GSTA4: variants seen among roughly 807,000 people sequenced by gnomAD.
GSTA4 encodes the protein glutathione S-transferase alpha 4.
A neutral mutation model predicts 24.4 loss-of-function variants in GSTA4; 15 were observed. That is an observed-to-expected ratio of 0.61 (90% CI 0.41 to 0.95). GSTA4 has a LOEUF of 0.95. Among genes scored for constraint, GSTA4 ranks in the 40% least tolerant of loss-of-function variants. The pLI is 0.00. For missense variants in GSTA4, 244 were observed against 262.1 expected, an observed-to-expected ratio of 0.93 and a Z score of 0.48; for synonymous variants, 92 against 94.2, an observed-to-expected ratio of 0.98 and a Z score of 0.13.
chr6:52,984,376 A>T, intron 5 of GSTA4, 88 bp downstream of exon 5: 1 of 1,277,626 alleles, frequency 7.8e-7, no homozygotes. Context: ...CAGTTTTAAA[A>T]TCCTTGGACA....
At chr6:52,990,764 G>A (rs895673880) in intron 2 of GSTA4, among the ~76,000 whole-genome samples, 1 of 152,100 alleles carries the variant, frequency 6.6e-6, no homozygotes, top group Non-Finnish European at 1.5e-5. Flanking sequence ...AGCCTATGGG[G>A]GTTAGAAAAA....
chr6:52,980,095 G>C (rs577597950), intron 6 of GSTA4, among the ~76,000 whole-genome samples: 2 of 151,992 alleles, frequency 1.3e-5, no homozygotes, highest in Non-Finnish European at 2.9e-5. Flanking sequence ...TAATGCTTGG[G>C]GCTTAAAAAA....
rs771970434 is a variant in GSTA4, at chr6:52,978,898, A to G, written c.547-306T>C. 3.9e-5 allele frequency among the ~76,000 whole-genome samples: 6 copies of G among 152,248 alleles called. No homozygotes were observed. In the South Asian group the frequency reaches 1.0e-3, roughly 26 times the overall value. The stretch of plus-strand genomic sequence containing the variant: ...GCCACATTCAAAGTTGTCCTGAGCC[A>G]CATGCAGCCCGCGGGCTGTGGGTTG... On this transcript the variant is annotated intron_variant, in intron 6 of 6. Coordinates refer to ENST00000370963, the MANE Select transcript of GSTA4 (RefSeq NM_001512.4).
intron 1 of GSTA4, 100 bp from the exon 2 acceptor site, chr6:52,994,361 C>A: frequency 1.7e-6 from 1 of 581,770 alleles, no homozygotes. Flanking sequence ...GATTTTGGCA[C>A]GGGAAACTGT....
At position 52,978,430 on chromosome 6, in the gene GSTA4, C is replaced by T; in HGVS notation, c.*40G>A. The T allele has an allele frequency of 6.2e-7, 1 of 1,601,488 alleles. No homozygotes were observed. The highest frequency in any genetic ancestry group is 8.5e-7 in the Non-Finnish European group (1 of 1,169,768). ...AAGACATGACTGTAGACAATACCAT[C>T]TCTAGGAACACACTGTCACTCACAC... is the stretch of plus-strand genomic sequence containing the variant. On this transcript the variant is annotated 3_prime_UTR_variant, in exon 7 of 7. Coordinates refer to ENST00000370963, the MANE Select transcript of GSTA4 (RefSeq NM_001512.4).
At position 52,978,354 on chromosome 6, in the gene GSTA4, T is replaced by G; in HGVS notation, c.*116A>C. On this transcript the variant is annotated 3_prime_UTR_variant, in exon 7 of 7. Transcript: ENST00000370963. ...TCTCGTTGACACAAAAGACCCAACT[T>G]AGGACCCAACTTAATACATAGATAG... is the stretch of plus-strand genomic sequence containing the variant. 9.7e-7 allele frequency: 1 copy of G among 1,033,932 alleles called. No homozygotes were observed. The allele number at this position is 1,033,932 out of a possible 1,614,324, so 64.0% of individuals were successfully genotyped here.
chr6:52,989,691 T>G (rs1472793192), intron 2 of GSTA4, among the ~76,000 whole-genome samples: 1 of 152,140 alleles, frequency 6.6e-6, no homozygotes, highest in Non-Finnish European at 1.5e-5. Context: ...GGGGCAACAA[T>G]GCTCGAAGCC....
At chr6:52,991,303 T>C (rs917810306) in intron 2 of GSTA4, among the ~76,000 whole-genome samples, 3 of 152,212 alleles carry the variant, frequency 2.0e-5, no homozygotes, top group African/African-American at 7.2e-5. Flanking sequence ...TCCCTAACAA[T>C]GATGATGATC....
chr6:52,994,842 C>A (rs1179836867), intron 1 of GSTA4, among the ~76,000 whole-genome samples: 1 of 152,156 alleles, frequency 6.6e-6, no homozygotes, highest in East Asian at 1.9e-4. Context: ...GAGATGAGCC[C>A]CCGGCCTTGT....
chr6:52,982,515 G>A, intron 6 of GSTA4, 59 bp downstream of exon 6: 1 of 1,299,382 alleles, frequency 7.7e-7, no homozygotes, highest in South Asian at 1.3e-5. Flanking sequence ...CCAAACAATA[G>A]ACACTGAAGG....
At chr6:52,982,177 T>C (rs1763463595) in intron 6 of GSTA4, among the ~76,000 whole-genome samples, 1 of 152,208 alleles carries the variant, frequency 6.6e-6, no homozygotes, top group African/African-American at 2.4e-5. Context: ...GCAAACTCCC[T>C]GTGCATGGAG....
chr6:52,984,157 T>G (rs1763505583), intron 5 of GSTA4, among the ~76,000 whole-genome samples: 1 of 152,252 alleles, frequency 6.6e-6, no homozygotes, highest in Non-Finnish European at 1.5e-5. Context: ...TTTCTGTATC[T>G]TCTGAAGTTT....
chr6:52,983,988 CAAG>C, intron 5 of GSTA4, among the ~76,000 whole-genome samples: 1 of 152,000 alleles, frequency 6.6e-6, no homozygotes, highest in Non-Finnish European at 1.5e-5. Context: ...GCAGATATAA[CAAG>C]AAGAGAAAAA....
chr6:52,982,547 A>T, intron 6 of GSTA4, 27 bp downstream of exon 6: 3 of 1,586,532 alleles, frequency 1.9e-6, no homozygotes, highest in Non-Finnish European at 2.6e-6. Context: ...GTTCTAGGCC[A>T]ATCTTCTAAT....
intron 1 of GSTA4, among the ~76,000 whole-genome samples, chr6:52,994,825 C>T (rs2127389423): frequency 6.6e-6 from 1 of 152,294 alleles, no homozygotes; most frequent in South Asian, 2.1e-4. Flanking sequence ...TCCACCACCC[C>T]TACAGGGAGA....
Position 52,994,154 on chromosome 6 carries a change from TAC to T in GSTA4, c.87+1_87+2del, listed in dbSNP as rs760069361. On this transcript the variant is annotated splice_donor_variant, in intron 2 of 6. Transcript: ENST00000370963. LOFTEE classifies it high-confidence loss of function. ...ATCCGTGAAGAAACAGCATATAAGGTACCTCGACTCCGGCGGCAGCTAAAACC... is the reference window on the plus strand; with the variant it reads ...ATCCGTGAAGAAACAGCATATAAGGTCTCGACTCCGGCGGCAGCTAAAACC... 2 of 1,587,474 alleles carry T rather than the reference TAC, an allele frequency of 1.3e-6. No individual in the cohort carries two copies. The highest frequency in any genetic ancestry group is 1.7e-6 in the Non-Finnish European group (2 of 1,155,678).
At chr6:52,982,029 C>T (rs1209840042) in intron 6 of GSTA4, among the ~76,000 whole-genome samples, 1 of 152,186 alleles carries the variant, frequency 6.6e-6, no homozygotes, top group Non-Finnish European at 1.5e-5. Flanking sequence ...TGAGACCATA[C>T]TATTTCTGAG....
chr6:52,994,516 A>G, intron 1 of GSTA4: 1 of 409,066 alleles, frequency 2.4e-6, no homozygotes. Flanking sequence ...CATTTGTTGT[A>G]AAAACATATG....
intron 6 of GSTA4, among the ~76,000 whole-genome samples, chr6:52,980,227 G>A (rs566042871): frequency 6.6e-6 from 1 of 151,902 alleles, no homozygotes; most frequent in South Asian, 2.1e-4. Context: ...TCCATTCAAT[G>A]AAAAGTACTT....
Sources: allele counts gnomAD v4.1 joint callset (sites outside exome capture counted in the v4.1 genomes callset), GRCh38; gene constraint gnomAD v4.1.1; transcripts MANE v1.5; gene names NCBI Gene and HGNC (gene_info 2026-07-23, HGNC 2026-07-21).